PDE3A: variants seen among roughly 807,000 people sequenced by gnomAD.
PDE3A encodes cGMP-inhibited 3',5'-cyclic phosphodiesterase 3A.
A neutral mutation model predicts 98.3 loss-of-function variants in PDE3A; 43 were observed. The ratio of observed to expected loss-of-function variants is 0.44; its 90% CI spans 0.34 to 0.56. The LOEUF is 0.56. Ranked by LOEUF, PDE3A falls within the 20% of genes least tolerant of loss-of-function variation. The pLI, the probability that PDE3A is intolerant of heterozygous loss-of-function variation, is 0.01. For synonymous variants in PDE3A, 663 were observed against 567.9 expected (o/e 1.17, Z -2.38); for missense variants, 1,427 against 1,440.7 (o/e 0.99, Z 0.15).
intron 1 of PDE3A, among the ~76,000 whole-genome samples, chr12:20,415,821 A>G (rs931850069): frequency 1.3e-5 from 2 of 152,196 alleles, no homozygotes; most frequent in Admixed American, 6.5e-5. Flanking sequence ...AATGAAGCTC[A>G]TGGGATATTA....
rs770257366 is a variant in PDE3A at position 20,631,154 on chromosome 12, GT to G, written c.1760+1030del. Among the ~76,000 whole-genome samples, 71 of 151,712 alleles carry G rather than the reference GT, an allele frequency of 4.7e-4. 1 individual carries two copies. Among genetic ancestry groups the G allele is most frequent in the Non-Finnish European group, 8.0e-4 (54 of 67,898 alleles). On this transcript the variant is annotated intron_variant, in intron 6 of 15. Coordinates refer to ENST00000359062, the MANE Select transcript of PDE3A (RefSeq NM_000921.5). The stretch of plus-strand genomic sequence containing the variant: ...TTTACATGAGAAATTATTTTCATTC[GT>G]TTGCCCAGAGCCAAAGTTATTCTAC...
chr12:20,369,182 C>A lies in PDE3A; in HGVS notation c.-103C>A. On this transcript the variant is annotated 5_prime_UTR_variant, in exon 1 of 16. Transcript: ENST00000359062. ...ATTCCGAGGGTGGAATTGGGAAGAG[C>A]GTGCGTGCGTGTGTGTGTGTGTGTG... The A allele has an allele frequency of 2.9e-6, 2 of 684,156 alleles. No individual in the cohort carries two copies. The highest frequency in any genetic ancestry group is 4.5e-6 in the Non-Finnish European group (2 of 442,020). 42.4% of individuals were successfully genotyped at this position (684,156 alleles called of 1,614,324 possible).
In PDE3A at chr12:20,385,984, AAT is replaced by A. The variant is rs1255551023; in HGVS notation, c.960+15748_960+15749del. 1.4e-3 allele frequency among the ~76,000 whole-genome samples: 133 copies of A among 98,404 alleles called. 2 individuals are homozygous for A. The highest frequency in any genetic ancestry group is 2.0e-3 in the Non-Finnish European group (104 of 53,000). The allele number at this position is 98,404 out of a possible 152,430, so 64.6% of individuals were successfully genotyped here. A position where few individuals can be genotyped will look rare whatever the true frequency, so the allele number is the denominator to read the frequency against. On this transcript the variant is annotated intron_variant, in intron 1 of 15. Coordinates refer to ENST00000359062, the MANE Select transcript of PDE3A (RefSeq NM_000921.5). ...TTAATTATATTAATTATTAATATAT[AAT>A]ATATATAAAATATATATATAAATAT...
intron 5 of PDE3A, among the ~76,000 whole-genome samples, chr12:20,628,383 C>T (rs957436535): frequency 6.6e-6 from 1 of 152,134 alleles, no homozygotes; most frequent in South Asian, 2.1e-4. Context: ...ACGTAGAAAC[C>T]GAAATAAAAA....
At chr12:20,458,090 C>G (rs11045259) in intron 1 of PDE3A, among the ~76,000 whole-genome samples, 1 of 151,654 alleles carries the variant, frequency 6.6e-6, no homozygotes, top group African/African-American at 2.4e-5. Flanking sequence ...GAATTTTCAT[C>G]ATTTTGTATA....
intron 1 of PDE3A, among the ~76,000 whole-genome samples, chr12:20,482,608 T>C (rs1480394810): frequency 6.6e-6 from 1 of 152,224 alleles, no homozygotes. Flanking sequence ...TAAGTATGTC[T>C]GACTGTTTTA....
At chr12:20,454,609 G>A (rs1475335859) in intron 1 of PDE3A, among the ~76,000 whole-genome samples, 1 of 151,974 alleles carries the variant, frequency 6.6e-6, no homozygotes, top group East Asian at 1.9e-4. Context: ...TATTTTTCCC[G>A]ATCCTCTCCT....
At chr12:20,532,687 CTTTTTT>C (rs137966114) in intron 1 of PDE3A, among the ~76,000 whole-genome samples, 2 of 107,882 alleles carry the variant, frequency 1.9e-5, no homozygotes, top group Admixed American at 9.9e-5. Context: ...GTTTCTCTCT[CTTTTTT>C]TTTTTTTTTT....
chr12:20,666,554 T>C (rs550528222), intron 15 of PDE3A, among the ~76,000 whole-genome samples: 30 of 152,246 alleles, frequency 2.0e-4, no homozygotes, highest in African/African-American at 7.2e-4. Context: ...GCTAGACTTA[T>C]TTCATTTAAC....
intron 1 of PDE3A, among the ~76,000 whole-genome samples, chr12:20,492,078 T>G (rs985205916): frequency 6.6e-6 from 1 of 152,098 alleles, no homozygotes; most frequent in Non-Finnish European, 1.5e-5. Context: ...TCTCCCACGT[T>G]GAAGCTATTC....
At position 20,613,713 on chromosome 12, in the gene PDE3A, G is replaced by GACAT. The variant is rs1943928549; in HGVS notation, c.1269+16_1269+19dup. On this transcript the variant is annotated intron_variant, in intron 3 of 15. Transcript: ENST00000359062. ...TGCTATTCCAAAGGTAGGTAGTAAT[G>GACAT]ACATACCCCTTAAAGGGTTAAACTA... 6.2e-6 allele frequency: 10 copies of GACAT among 1,604,072 alleles called. No homozygotes were observed. Among genetic ancestry groups the GACAT allele is most frequent in the Non-Finnish European group, 7.7e-6 (9 of 1,171,094 alleles).
At chr12:20,450,778 T>C (rs767984193) in intron 1 of PDE3A, among the ~76,000 whole-genome samples, 25 of 152,338 alleles carry the variant, frequency 1.6e-4, no homozygotes, top group Non-Finnish European at 2.9e-4. Flanking sequence ...GAGTAATGTG[T>C]TTTTATAACA....
At chr12:20,547,234 T>C (rs933559086) in intron 1 of PDE3A, among the ~76,000 whole-genome samples, 4 of 152,122 alleles carry the variant, frequency 2.6e-5, no homozygotes, top group African/African-American at 9.7e-5. Flanking sequence ...TACCATCCAT[T>C]ACCCCCACTT....
chr12:20,401,638 C>T (rs1396708144), intron 1 of PDE3A, among the ~76,000 whole-genome samples: 2 of 152,156 alleles, frequency 1.3e-5, no homozygotes, highest in African/African-American at 2.4e-5. Flanking sequence ...TACCCATCTT[C>T]TACCTGCTTC....
chr12:20,663,892 T>C (rs1014394558), intron 15 of PDE3A, among the ~76,000 whole-genome samples: 1 of 152,148 alleles, frequency 6.6e-6, no homozygotes, highest in Non-Finnish European at 1.5e-5. Flanking sequence ...CAGAATAATA[T>C]GATTTGGCTA....
At chr12:20,536,884 C>T (rs1348321116) in intron 1 of PDE3A, among the ~76,000 whole-genome samples, 1 of 151,942 alleles carries the variant, frequency 6.6e-6, no homozygotes, top group African/African-American at 2.4e-5. Context: ...TATTTGTTTT[C>T]ATTTCTCTGG....
At chr12:20,646,038 G>A (rs1304743366) in intron 10 of PDE3A, among the ~76,000 whole-genome samples, 2 of 152,054 alleles carry the variant, frequency 1.3e-5, no homozygotes, top group Non-Finnish European at 2.9e-5. Flanking sequence ...ATGGTATTAT[G>A]TTCTATTCCC....
chr12:20,635,909 T>A (rs933473592), intron 8 of PDE3A, among the ~76,000 whole-genome samples: 7 of 152,188 alleles, frequency 4.6e-5, no homozygotes, highest in Admixed American at 6.5e-5. Context: ...TATTATCTGG[T>A]GATTAGAAGC....
intron 2 of PDE3A, among the ~76,000 whole-genome samples, chr12:20,572,766 T>A (rs1592069469): frequency 6.6e-6 from 1 of 152,234 alleles, no homozygotes; most frequent in East Asian, 1.9e-4. Flanking sequence ...ATATGCAAAT[T>A]ATACAAGTGA....
Sources: gnomAD v4.1 joint callset for allele counts (sites outside exome capture counted in the v4.1 genomes callset) on GRCh38, gnomAD v4.1.1 for gene constraint, MANE v1.5 for transcripts, NCBI Gene and HGNC (gene_info 2026-07-23, HGNC 2026-07-21) for gene names.